GALT: variants seen among roughly 807,000 people sequenced by gnomAD.
GALT encodes the protein UDP-glucose--hexose-1-phosphate uridylyltransferase.
Under a neutral mutation model 55.4 loss-of-function variants are expected in GALT, and 42 were observed. The ratio of observed to expected loss-of-function variants is 0.76; its 90% CI spans 0.59 to 0.98. The LOEUF (loss-of-function observed/expected upper bound fraction) is 0.98. Ranked by LOEUF, GALT falls within the 50% of genes least tolerant of loss-of-function variation. The pLI is 0.00. For synonymous variants in GALT, 154 were observed against 181.5 expected (o/e 0.85, Z 1.22); for missense variants, 407 against 495.7 (o/e 0.82, Z 1.70).
chr9:34,648,098 G>C lies in GALT; in HGVS notation c.508-17G>C, dbSNP rs12000481. ...GGTGTCTTTTGGCTAACAGAGCTCCGTATCCCTATCTGATAGATCTTTGAA... is the reference window on the plus strand; with the variant it reads ...GGTGTCTTTTGGCTAACAGAGCTCCCTATCCCTATCTGATAGATCTTTGAA... On this transcript the variant is annotated splice_polypyrimidine_tract_variant and intron_variant, in intron 5 of 10. Transcript: ENST00000378842. The surrounding 1 kb of genome is among the most constrained non-coding windows in gnomAD (Gnocchi z 4.9). 6.2e-6 allele frequency: 10 copies of C among 1,614,142 alleles called. No homozygotes were observed. The East Asian group carries it at 1.1e-4, about 18-fold the overall frequency.
intron 9 of GALT, 112 bp from the exon 10 acceptor site, chr9:34,649,298 G>T: frequency 1.4e-6 from 2 of 1,445,716 alleles, no homozygotes; most frequent in Non-Finnish European, 1.9e-6. Flanking sequence ...TCTCAAGCAG[G>T]GGATCCTGGG....
rs1029110255 is a variant in GALT, at chr9:34,649,722, G to T, written c.1059+158G>T. On this transcript the variant is annotated intron_variant, in intron 10 of 10. Transcript: ENST00000378842. Reference sequence around the variant, plus strand: ...AAGTTAGGAGCCCTAGGGCCTGGAAGGAGAGTATGGTCCTCAGATCCCCCT... The same window carrying T: ...AAGTTAGGAGCCCTAGGGCCTGGAATGAGAGTATGGTCCTCAGATCCCCCT... 3.9e-6 allele frequency: 3 copies of T among 760,498 alleles called. No homozygotes were observed. The African/African-American group carries it at 5.2e-5, about 13-fold the overall frequency. The allele number at this position is 760,498 out of a possible 1,614,324, so 47.1% of individuals were successfully genotyped here. A position where few individuals can be genotyped will look rare whatever the true frequency, so the allele number is the denominator to read the frequency against.
Position 34,647,892 on chromosome 9 carries a change from G to C in GALT, c.438G>C (p.Glu146Asp). The C allele has an allele frequency of 6.2e-7, 1 of 1,614,224 alleles. No individual in the cohort carries two copies. Among genetic ancestry groups the C allele is most frequent in the Non-Finnish European group, 8.5e-7 (1 of 1,180,046 alleles). Residue 146 changes from glutamate (E) to aspartate (D), a missense_variant, in exon 5 of 11, where the codon GAG (glutamate) becomes GAC (aspartate). Physicochemically the swap from Glu to Asp is conservative, Grantham distance 45. Coordinates refer to ENST00000378842, the MANE Select transcript of GALT (RefSeq NM_000155.4). The surrounding 1 kb of genome is among the most constrained non-coding windows in gnomAD (Gnocchi z 5.6). ...CGCTGCCACTCATGTCGGTCCCTGA[G>C]ATCCGGGCTGTTGTTGATGCATGGG... ...DVTLPLMSVPEIRAVVDAWAS... is the reference protein window; with the variant it reads ...DVTLPLMSVPDIRAVVDAWAS...
In GALT at chr9:34,647,432, G is replaced by A; in HGVS notation, c.253-60G>A. ...CCTTGTAGCCTGTCCAGTCTTTGAA[G>A]CCCACCAGGTAACTGGTGGTATGGG... is the stretch of plus-strand genomic sequence containing the variant. On this transcript the variant is annotated intron_variant, in intron 2 of 10. Coordinates refer to ENST00000378842, the MANE Select transcript of GALT (RefSeq NM_000155.4). The surrounding 1 kb of genome is among the most constrained non-coding windows in gnomAD (Gnocchi z 5.6). 6.3e-7 allele frequency: 1 copy of A among 1,583,864 alleles called. No homozygotes were observed. The highest frequency in any genetic ancestry group is 1.7e-4 in the Middle Eastern group (1 of 6,010).
At position 34,647,452 on chromosome 9, in the gene GALT, T is replaced by C; in HGVS notation, c.253-40T>C. On this transcript the variant is annotated intron_variant, in intron 2 of 10. Coordinates refer to ENST00000378842, the MANE Select transcript of GALT (RefSeq NM_000155.4). This position sits in a 1 kb window ranked among gnomAD's most constrained non-coding sequence, Gnocchi z 5.6. ...TTGAAGCCCACCAGGTAACTGGTGG[T>C]ATGGGGCAGTGAGTGCTTCTAGCCT... 6.2e-7 allele frequency: 1 copy of C among 1,604,180 alleles called. No homozygotes were observed. The highest frequency in any genetic ancestry group is 8.5e-7 in the Non-Finnish European group (1 of 1,171,080).
Position 34,650,550 on chromosome 9 carries a change from T to C in GALT, c.*101T>C, listed in dbSNP as rs998952418. The C allele has an allele frequency of 7.9e-6, 8 of 1,008,230 alleles. No individual in the cohort carries two copies. In the African/African-American group the frequency reaches 8.0e-5, roughly 10 times the overall value. 62.5% of individuals were successfully genotyped at this position (1,008,230 alleles called of 1,614,324 possible). The stretch of plus-strand genomic sequence containing the variant: ...TCCTGGCCTGGAATTTGGGCAGATA[T>C]AGCATTAATAAAACTGTGCATCTCA... On this transcript the variant is annotated 3_prime_UTR_variant, in exon 11 of 11. Transcript: ENST00000378842.
chr9:34,649,643 G>T, intron 10 of GALT, 79 bp downstream of exon 10: 1 of 1,537,334 alleles, frequency 6.5e-7, no homozygotes, highest in Admixed American at 1.7e-5. Context: ...TGTTGCCCTT[G>T]TGCTCCAGTC....
intron 9 of GALT, 82 bp from the exon 10 acceptor site, chr9:34,649,328 C>A: frequency 6.4e-7 from 1 of 1,569,504 alleles, no homozygotes; most frequent in Non-Finnish European, 8.7e-7. Flanking sequence ...TTTCAGATAC[C>A]TGGTTGGGTT....
In GALT at chr9:34,648,104, C is replaced by T. The variant is rs111033712; in HGVS notation, c.508-11C>T. On this transcript the variant is annotated splice_polypyrimidine_tract_variant and intron_variant, in intron 5 of 10. Coordinates refer to ENST00000378842, the MANE Select transcript of GALT (RefSeq NM_000155.4). The surrounding 1 kb of genome is among the most constrained non-coding windows in gnomAD (Gnocchi z 4.9). The stretch of plus-strand genomic sequence containing the variant: ...TTTTGGCTAACAGAGCTCCGTATCC[C>T]TATCTGATAGATCTTTGAAAACAAA... The T allele has an allele frequency of 2.7e-5, 43 of 1,614,164 alleles. No individual in the cohort carries two copies. Among genetic ancestry groups the T allele is most frequent in the Non-Finnish European group, 3.4e-5 (40 of 1,180,030 alleles).
At position 34,647,916 on chromosome 9, in the gene GALT, G is replaced by A. The variant is rs111033704; in HGVS notation, c.462G>A (p.Trp154Ter). The A allele has an allele frequency of 1.2e-6, 2 of 1,614,208 alleles. No homozygotes were observed. Among genetic ancestry groups the A allele is most frequent in the Non-Finnish European group, 1.7e-6 (2 of 1,180,042 alleles). ...AGATCCGGGCTGTTGTTGATGCATGGGCCTCAGTCACAGAGGAGCTGGGTG... is the reference window on the plus strand; with the variant it reads ...AGATCCGGGCTGTTGTTGATGCATGAGCCTCAGTCACAGAGGAGCTGGGTG... ...VPEIRAVVDA[W>*]ASVTEELGAQ... The change falls in exon 5 of 11, where the codon TGG becomes TGA. Residue 154 changes from tryptophan (W) to a stop codon, truncating the protein, a stop_gained. Coordinates refer to ENST00000378842, the MANE Select transcript of GALT (RefSeq NM_000155.4). LOFTEE classifies it high-confidence loss of function. The surrounding 1 kb of genome is among the most constrained non-coding windows in gnomAD (Gnocchi z 5.6).
Position 34,647,746 on chromosome 9 carries a change from T to C in GALT, c.377+41T>C, listed in dbSNP as rs375199940. 4 of 1,614,056 alleles carry C rather than the reference T, an allele frequency of 2.5e-6. No individual in the cohort carries two copies. The highest frequency in any genetic ancestry group is 2.2e-5 in the East Asian group (1 of 44,886). On this transcript the variant is annotated intron_variant, in intron 4 of 10. Transcript: ENST00000378842. The surrounding 1 kb of genome is among the most constrained non-coding windows in gnomAD (Gnocchi z 5.6). ...CCCTCTTACAACTTTCAAACCAGAGTTGGAGACTCAGCATTGGGGTTCGGC... is the reference window on the plus strand; with the variant it reads ...CCCTCTTACAACTTTCAAACCAGAGCTGGAGACTCAGCATTGGGGTTCGGC...
chr9:34,648,975 T>G lies in GALT; in HGVS notation c.821-23T>G. 1 of 1,614,084 alleles carries G rather than the reference T, an allele frequency of 6.2e-7. No individual in the cohort carries two copies. Among genetic ancestry groups the G allele is most frequent in the South Asian group, 1.1e-5 (1 of 91,078 alleles). On this transcript the variant is annotated intron_variant, in intron 8 of 10. Coordinates refer to ENST00000378842, the MANE Select transcript of GALT (RefSeq NM_000155.4). This position sits in a 1 kb window ranked among gnomAD's most constrained non-coding sequence, Gnocchi z 4.9. Reference sequence around the variant, plus strand: ...TAGGGTCAGCATCTGGACCCCAGGCTGAGAGTCAGGCTCTGATTCCAGATC... The same window carrying G: ...TAGGGTCAGCATCTGGACCCCAGGCGGAGAGTCAGGCTCTGATTCCAGATC...
Position 34,647,235 on chromosome 9 carries a change from G to A in GALT, c.229G>A (p.Gly77Arg). The A allele has an allele frequency of 6.2e-7, 1 of 1,614,110 alleles. No homozygotes were observed. The highest frequency in any genetic ancestry group is 8.5e-7 in the Non-Finnish European group (1 of 1,179,990). ...TGACCCTCTCAACCCTCTGTGTCCT[G>A]GGGCCATCCGAGCCAACGGAGAGGT... ...RHDPLNPLCP[G>R]AIRANGEVNP... The change falls in exon 2 of 11, where the codon GGG becomes AGG. Residue 77 changes from glycine to arginine, a missense_variant. Physicochemically the swap from Gly to Arg is moderately radical, Grantham distance 125. Transcript: ENST00000378842. This position sits in a 1 kb window ranked among gnomAD's most constrained non-coding sequence, Gnocchi z 5.6.
rs1422821852 is a variant in GALT, at chr9:34,647,935, C to G, written c.481C>G (p.Leu161Val). ...VDAWASVTEE[L>V]GAQYPWVQIF... Reference sequence around the variant, plus strand: ...TGCATGGGCCTCAGTCACAGAGGAGCTGGGTGCCCAGTACCCTTGGGTGCA... The same window carrying G: ...TGCATGGGCCTCAGTCACAGAGGAGGTGGGTGCCCAGTACCCTTGGGTGCA... The change falls in exon 5 of 11, where the codon CTG becomes GTG. Residue 161 changes from leucine to valine, a missense_variant. Transcript: ENST00000378842. This position sits in a 1 kb window ranked among gnomAD's most constrained non-coding sequence, Gnocchi z 5.6. The G allele has an allele frequency of 6.2e-7, 1 of 1,614,116 alleles. No homozygotes were observed. The highest frequency in any genetic ancestry group is 1.7e-5 in the Admixed American group (1 of 60,006).
intron 10 of GALT, 129 bp downstream of exon 10, chr9:34,649,693 G>A: frequency 2.7e-6 from 3 of 1,123,754 alleles, no homozygotes; most frequent in Non-Finnish European, 3.9e-6. Context: ...GGAAGGGACT[G>A]CCAAAGTTAG....
In GALT at chr9:34,647,895, C is replaced by T; in HGVS notation, c.441C>T (p.Ile147=). The part of the protein sequence containing the change: ...VTLPLMSVPE[I]RAVVDAWASV... ...TGCCACTCATGTCGGTCCCTGAGAT[C>T]CGGGCTGTTGTTGATGCATGGGCCT... The change falls in exon 5 of 11, where the codon ATC becomes ATT. Residue 147 remains isoleucine (I), a synonymous_variant. Transcript: ENST00000378842. The surrounding 1 kb of genome is among the most constrained non-coding windows in gnomAD (Gnocchi z 5.6). The T allele has an allele frequency of 6.2e-7, 1 of 1,614,216 alleles. No homozygotes were observed. Among genetic ancestry groups the T allele is most frequent in the Non-Finnish European group, 8.5e-7 (1 of 1,180,040 alleles).
rs1391935598 is a variant in GALT, at chr9:34,649,092, T to A, written c.904+11T>A. The stretch of plus-strand genomic sequence containing the variant: ...CCATGGGCTGGCATGGTGAGGCTTT[T>A]CAAGTACCTATATTTAGCCCCAACA... On this transcript the variant is annotated intron_variant, in intron 9 of 10. Transcript: ENST00000378842. 2 of 1,612,300 alleles carry A rather than the reference T, an allele frequency of 1.2e-6. No individual in the cohort carries two copies. Among genetic ancestry groups the A allele is most frequent in the South Asian group, 1.1e-5 (1 of 91,040 alleles).
rs759537248 is a variant in GALT, at chr9:34,648,740, C to A, written c.688-22C>A. On this transcript the variant is annotated intron_variant, in intron 7 of 10. Transcript: ENST00000378842. The surrounding 1 kb of genome is among the most constrained non-coding windows in gnomAD (Gnocchi z 4.9). ...GGCTCCTATGTCACCTTGATGACTTCCTATCCATTCTGTCTTCCTAGGAAC... is the reference window on the plus strand; with the variant it reads ...GGCTCCTATGTCACCTTGATGACTTACTATCCATTCTGTCTTCCTAGGAAC... The A allele has an allele frequency of 1.7e-5, 28 of 1,612,398 alleles. 1 individual carries two copies. In the South Asian group the frequency reaches 2.5e-4, roughly 15 times the overall value.
intron 10 of GALT, 26 bp downstream of exon 10, chr9:34,649,590 C>T: frequency 6.2e-7 from 1 of 1,613,764 alleles, no homozygotes. Flanking sequence ...AGTCTGGCGT[C>T]TCCAGACTCT....
Sources: gnomAD v4.1 joint callset for allele counts on GRCh38, gnomAD v4.1.1 for gene constraint, Gnocchi (gnomAD v3.1) non-coding constraint, MANE v1.5 for transcripts, NCBI Gene and HGNC (gene_info 2026-07-23, HGNC 2026-07-21) for gene names.